TMX1: variants seen among roughly 807,000 people sequenced by gnomAD.
The protein encoded by TMX1 is thioredoxin-related transmembrane protein 1.
TMX1 carries 25 observed loss-of-function variants against 36.6 expected under a neutral mutation model. The ratio of observed to expected loss-of-function variants is 0.68; its 90% CI spans 0.50 to 0.95. The LOEUF (loss-of-function observed/expected upper bound fraction) is 0.95, where lower values mean the gene tolerates loss of function less well. Among genes scored for constraint, TMX1 ranks in the 40% least tolerant of loss-of-function variants. The pLI, the probability that TMX1 is intolerant of heterozygous loss-of-function variation, is 0.00. For missense variants in TMX1, 347 were observed against 339.6 expected (o/e 1.02, Z -0.17); for synonymous variants, 133 against 118.0 (o/e 1.13, Z -0.82).
chr14:51,241,154 T>TATTA (rs1173706076), intron 1 of TMX1, among the ~76,000 whole-genome samples: 2 of 152,220 alleles, frequency 1.3e-5, no homozygotes, highest in Non-Finnish European at 2.9e-5. Flanking sequence ...AAAGATAATG[T>TATTA]ATTAATGTAT....
chr14:51,250,729 G>T (rs1215847941), intron 7 of TMX1, among the ~76,000 whole-genome samples: 1 of 152,180 alleles, frequency 6.6e-6, no homozygotes, highest in African/African-American at 2.4e-5. Context: ...CTGACCTCGT[G>T]ATCCGCCAGC....
rs1297416668 is a variant in TMX1, at chr14:51,254,343, A to G, written c.667A>G (p.Lys223Glu). ...CATTTTTGGTCTTTGTCTTTAAGAA[A>G]AATTATTATCAGAATCTGCACAACC... ...RPQPYPYPSK[K>E]LLSESAQPLK... The change falls in exon 8 of 8, where the codon AAA (lysine) becomes GAA (glutamate). Residue 223 changes from lysine to glutamate, a missense_variant and splice_region_variant. Coordinates refer to ENST00000457354, the MANE Select transcript of TMX1 (RefSeq NM_030755.5). 1 of 1,581,176 alleles carries G rather than the reference A, an allele frequency of 6.3e-7. No homozygotes were observed. Among genetic ancestry groups the G allele is most frequent in the South Asian group, 1.2e-5 (1 of 84,816 alleles).
chr14:51,244,129 G>T, intron 2 of TMX1, 158 bp downstream of exon 2: 1 of 517,256 alleles, frequency 1.9e-6, no homozygotes, highest in South Asian at 4.3e-5. Context: ...TCCCTGCTGG[G>T]GGCTCAGTGT....
chr14:51,245,199 T>C, intron 2 of TMX1, 114 bp from the exon 3 acceptor site: 1 of 1,233,410 alleles, frequency 8.1e-7, no homozygotes, highest in Non-Finnish European at 1.1e-6. Context: ...GCTCAACTAT[T>C]AGGTATAATT....
chr14:51,240,403 G>T lies in TMX1; in HGVS notation c.111G>T (p.Glu37Asp). ...GCAACGTTCGCGTCATCACGGACGA[G>T]AACTGGAGAGAACTGCTGGAAGGAG... ...RRSNVRVITD[E>D]NWRELLEGDW... Residue 37 changes from glutamate to aspartate, a missense_variant, in exon 1 of 8, where the codon GAG becomes GAT. Coordinates refer to ENST00000457354, the MANE Select transcript of TMX1 (RefSeq NM_030755.5). The T allele has an allele frequency of 6.2e-7, 1 of 1,614,054 alleles. No individual in the cohort carries two copies. Among genetic ancestry groups the T allele is most frequent in the Non-Finnish European group, 8.5e-7 (1 of 1,180,026 alleles).
At position 51,254,400 on chromosome 14, in the gene TMX1, G is replaced by T. The variant is rs1170288690; in HGVS notation, c.724G>T (p.Asp242Tyr). The T allele has an allele frequency of 6.2e-7, 1 of 1,612,318 alleles. No homozygotes were observed. Among genetic ancestry groups the T allele is most frequent in the Non-Finnish European group, 8.5e-7 (1 of 1,179,158 alleles). ...AAAAGTGGAGGAGGAACAAGAGGCG[G>T]ATGAAGAAGATGTTTCAGAAGAAGA... is the stretch of plus-strand genomic sequence containing the variant. ...LKKVEEEQEA[D>Y]EEDVSEEEAE... Residue 242 changes from aspartate (D) to tyrosine (Y), a missense_variant, in exon 8 of 8, where the codon GAT becomes TAT. Coordinates refer to ENST00000457354, the MANE Select transcript of TMX1 (RefSeq NM_030755.5).
intron 4 of TMX1, 117 bp from the exon 5 acceptor site, chr14:51,249,209 G>A (rs2065799795): frequency 5.0e-6 from 4 of 798,992 alleles, no homozygotes; most frequent in Non-Finnish European, 7.8e-6. Context: ...TGTGTCACTA[G>A]TCTTGATTAA....
In TMX1 at chr14:51,249,540, A is replaced by G. The variant is rs1024043455; in HGVS notation, c.562A>G (p.Thr188Ala). The G allele has an allele frequency of 3.7e-6, 6 of 1,612,436 alleles. No homozygotes were observed. In the African/African-American group the frequency reaches 5.4e-5, roughly 14 times the overall value. ...WGSYTVFALA[T>A]LFSGLLLGLC... ...ATCATATACTGTTTTTGCTTTAGCAACTCTGTTTTCCGGACTGTTATTAGG... is the reference window on the plus strand; with the variant it reads ...ATCATATACTGTTTTTGCTTTAGCAGCTCTGTTTTCCGGACTGTTATTAGG... Residue 188 changes from threonine (T) to alanine (A), a missense_variant, in exon 6 of 8, where the codon ACT becomes GCT. Thr to Ala is a moderately conservative substitution (Grantham distance 58). Coordinates refer to ENST00000457354, the MANE Select transcript of TMX1 (RefSeq NM_030755.5).
At chr14:51,252,261 A>C (rs1330127567) in intron 7 of TMX1, among the ~76,000 whole-genome samples, 1 of 151,222 alleles carries the variant, frequency 6.6e-6, no homozygotes, top group African/African-American at 2.4e-5. Flanking sequence ...TCCACAGTAA[A>C]AGTCACTAAA....
intron 7 of TMX1, among the ~76,000 whole-genome samples, chr14:51,250,180 TA>T (rs2065805106): frequency 6.6e-6 from 1 of 152,246 alleles, no homozygotes; most frequent in Non-Finnish European, 1.5e-5. Context: ...AAGCAATCCC[TA>T]TAGTTGATTT....
chr14:51,247,081 A>G lies in TMX1; in HGVS notation c.315-11A>G. Reference sequence around the variant, plus strand: ...CAGTGCTGGATAATATTTAATTCTGATTCTCTTTAGTTGTAAAGATGGTGA... The same window carrying G: ...CAGTGCTGGATAATATTTAATTCTGGTTCTCTTTAGTTGTAAAGATGGTGA... On this transcript the variant is annotated splice_polypyrimidine_tract_variant and intron_variant, in intron 3 of 7. Transcript: ENST00000457354. 2 of 1,597,468 alleles carry G rather than the reference A, an allele frequency of 1.3e-6. No homozygotes were observed. Among genetic ancestry groups the G allele is most frequent in the East Asian group, 2.2e-5 (1 of 44,704 alleles).
At chr14:51,251,973 A>G (rs2065816163) in intron 7 of TMX1, among the ~76,000 whole-genome samples, 1 of 152,116 alleles carries the variant, frequency 6.6e-6, no homozygotes, top group Non-Finnish European at 1.5e-5. Context: ...CAAACTTTTT[A>G]AAAGAATACT....
intron 1 of TMX1, among the ~76,000 whole-genome samples, chr14:51,241,039 T>C (rs946864686): frequency 1.4e-4 from 21 of 152,298 alleles, no homozygotes; most frequent in African/African-American, 5.1e-4. Context: ...CTCTTTTGCT[T>C]TCTCTTTTTT....
intron 1 of TMX1, 119 bp downstream of exon 1, chr14:51,240,563 T>G: frequency 4.3e-6 from 6 of 1,383,352 alleles, no homozygotes; most frequent in South Asian, 2.9e-5. Flanking sequence ...GGAGCGAGCG[T>G]CCCCGACTTC....
At chr14:51,246,445 A>G (rs561110254) in intron 3 of TMX1, among the ~76,000 whole-genome samples, 1 of 152,274 alleles carries the variant, frequency 6.6e-6, no homozygotes, top group East Asian at 1.9e-4. Flanking sequence ...AACCCTACTT[A>G]ACAGGTCCCT....
chr14:51,242,793 A>G (rs571580477), intron 1 of TMX1, among the ~76,000 whole-genome samples: 7 of 152,294 alleles, frequency 4.6e-5, no homozygotes, highest in Admixed American at 2.6e-4. Flanking sequence ...TAAAAAAGCA[A>G]CTGAGCAACA....
At chr14:51,245,617 A>G (rs1354665537) in intron 3 of TMX1, 6 of 750,554 alleles carry the variant, frequency 8.0e-6, no homozygotes, top group Non-Finnish European at 1.2e-5. Flanking sequence ...GATCCTGTTC[A>G]GCGTGTTAAG....
chr14:51,254,695 A>T lies in TMX1; in HGVS notation c.*176A>T, dbSNP rs561412852. On this transcript the variant is annotated 3_prime_UTR_variant, in exon 8 of 8. Transcript: ENST00000457354. Reference sequence around the variant, plus strand: ...AAAGCACTAGGTATACAAGTTTGAAATATGATTTAAGCACAGTATGATGGT... The same window carrying T: ...AAAGCACTAGGTATACAAGTTTGAATTATGATTTAAGCACAGTATGATGGT... 55 of 532,972 alleles carry T rather than the reference A, an allele frequency of 1.0e-4. 1 individual carries two copies. The East Asian group carries it at 1.9e-3, about 18-fold the overall frequency. 33.0% of individuals were successfully genotyped at this position (532,972 alleles called of 1,614,324 possible).
chr14:51,253,655 T>A (rs2065825034), intron 7 of TMX1, among the ~76,000 whole-genome samples: 1 of 152,208 alleles, frequency 6.6e-6, no homozygotes, highest in South Asian at 2.1e-4. Flanking sequence ...GCTGGCCATA[T>A]AAAACATCGA....
Sources: allele counts gnomAD v4.1 joint callset (sites outside exome capture counted in the v4.1 genomes callset), GRCh38; gene constraint gnomAD v4.1.1; transcripts MANE v1.5; gene names NCBI Gene and HGNC (gene_info 2026-07-23, HGNC 2026-07-21).